The following ST7 variants were observed in gnomAD, a reference collection of about 807,000 sequenced individuals.
ST7 encodes the protein suppression of tumorigenicity 7.
Under a neutral mutation model 78.7 loss-of-function variants are expected in ST7, and 28 were observed. The ratio of observed to expected loss-of-function variants is 0.36; its 90% CI spans 0.26 to 0.49. The LOEUF (loss-of-function observed/expected upper bound fraction) is 0.49. Ranked by LOEUF, ST7 falls within the 20% of genes least tolerant of loss-of-function variation. ST7 has a pLI of 0.99. For missense variants in ST7, 418 were observed against 696.0 expected, an observed-to-expected ratio of 0.60 and a Z score of 4.49; for synonymous variants, 247 against 249.6, an observed-to-expected ratio of 0.99 and a Z score of 0.10.
intron 10 of ST7, among the ~76,000 whole-genome samples, chr7:117,180,743 A>G (rs1452345594): frequency 6.6e-6 from 1 of 152,138 alleles, no homozygotes; most frequent in Non-Finnish European, 1.5e-5. Context: ...TCAACTTCCC[A>G]TGCTCAAGTG....
At chr7:117,066,764 CAAAA>C (rs35246518) in intron 1 of ST7, among the ~76,000 whole-genome samples, 1 of 74,734 alleles carries the variant, frequency 1.3e-5, no homozygotes, top group Non-Finnish European at 2.4e-5. Flanking sequence ...GACTCCGTCT[CAAAA>C]AAAAAAAAAA....
chr7:117,191,377 A>G (rs1325364242), intron 12 of ST7, among the ~76,000 whole-genome samples: 2 of 152,226 alleles, frequency 1.3e-5, no homozygotes, highest in East Asian at 3.8e-4. Context: ...ATTGGCAAGA[A>G]AATAATAGAG....
At chr7:116,990,352 G>T (rs1794371279) in intron 1 of ST7, among the ~76,000 whole-genome samples, 2 of 151,862 alleles carry the variant, frequency 1.3e-5, no homozygotes, top group East Asian at 3.9e-4. Context: ...TTCTATTCTG[G>T]GTAAACTCAT....
chr7:117,073,231 C>T (rs1270343959), intron 1 of ST7: 1 of 151,958 alleles, frequency 6.6e-6, no homozygotes, highest in African/African-American at 2.4e-5. Context: ...CTGTAGGCCT[C>T]TACACAATCT....
chr7:116,992,979 C>T (rs1356838038), intron 1 of ST7, among the ~76,000 whole-genome samples: 1 of 152,186 alleles, frequency 6.6e-6, no homozygotes, highest in Non-Finnish European at 1.5e-5. Context: ...TTCCCAAATT[C>T]CTCATTTCCA....
intron 1 of ST7, among the ~76,000 whole-genome samples, chr7:117,086,491 A>G (rs1800159158): frequency 1.3e-5 from 2 of 152,344 alleles, no homozygotes; most frequent in Admixed American, 6.5e-5. Flanking sequence ...TTACAGATGA[A>G]TAGATTATTC....
At chr7:117,001,900 A>G (rs1794948737) in intron 1 of ST7, among the ~76,000 whole-genome samples, 1 of 152,236 alleles carries the variant, frequency 6.6e-6, no homozygotes. Flanking sequence ...CATGGACAAG[A>G]CATTATGTGT....
At chr7:117,047,700 T>G (rs958952319) in intron 1 of ST7, among the ~76,000 whole-genome samples, 25 of 152,130 alleles carry the variant, frequency 1.6e-4, no homozygotes, top group Non-Finnish European at 2.9e-5. Flanking sequence ...TAATACCAGG[T>G]GTTTGGAGGC....
chr7:117,090,497 T>C (rs1028582384), intron 1 of ST7, among the ~76,000 whole-genome samples: 1 of 152,180 alleles, frequency 6.6e-6, no homozygotes, highest in Non-Finnish European at 1.5e-5. Flanking sequence ...ACACAGTGTG[T>C]GTGCTTGTAG....
intron 2 of ST7, among the ~76,000 whole-genome samples, chr7:117,108,541 T>TC (rs1205730504): frequency 6.6e-6 from 1 of 152,228 alleles, no homozygotes; most frequent in Non-Finnish European, 1.5e-5. Context: ...CCAGATTTGT[T>TC]CTTTTTGCTT....
chr7:117,044,571 G>A (rs1797394599), intron 1 of ST7, among the ~76,000 whole-genome samples: 1 of 152,038 alleles, frequency 6.6e-6, no homozygotes, highest in South Asian at 2.1e-4. Context: ...GGCTGGTCTC[G>A]AACTCTTGAC....
chr7:117,133,993 T>C, intron 6 of ST7, 131 bp from the exon 7 acceptor site: 1 of 1,217,176 alleles, frequency 8.2e-7, no homozygotes, highest in Non-Finnish European at 1.1e-6. Flanking sequence ...GAATCATGCC[T>C]CTTTTCTTTG....
chr7:117,139,949 T>C (rs995231719), intron 9 of ST7, among the ~76,000 whole-genome samples: 1 of 152,210 alleles, frequency 6.6e-6, no homozygotes, highest in Non-Finnish European at 1.5e-5. Flanking sequence ...TATTTCTCTA[T>C]CTTAACCTGG....
chr7:117,028,608 T>C (rs4730767), intron 1 of ST7, among the ~76,000 whole-genome samples: 142,325 of 152,282 alleles, frequency 0.93, 67,290 homozygotes, highest in East Asian at 1. Flanking sequence ...AGGTCTTGTG[T>C]TGGTATAATG....
intron 9 of ST7, among the ~76,000 whole-genome samples, chr7:117,152,184 TATATATATATATA>T (rs1463550145): frequency 5.9e-5 from 4 of 68,198 alleles, no homozygotes; most frequent in African/African-American, 1.9e-4. Flanking sequence ...AAACTATATA[TATATATATATATA>T]TATATATATA....
chr7:117,126,755 G>A (rs760491776), intron 3 of ST7, among the ~76,000 whole-genome samples: 11 of 151,814 alleles, frequency 7.2e-5, no homozygotes, highest in African/African-American at 1.2e-4. Flanking sequence ...ATTAGAGCTT[G>A]CTTTTAGAAG....
chr7:117,115,621 T>C (rs1802818328), intron 2 of ST7, among the ~76,000 whole-genome samples: 1 of 152,168 alleles, frequency 6.6e-6, no homozygotes, highest in African/African-American at 2.4e-5. Context: ...CCCAAAGTGT[T>C]GCGATTACAG....
intron 12 of ST7, among the ~76,000 whole-genome samples, chr7:117,192,954 T>C (rs1250755748): frequency 6.6e-6 from 1 of 152,162 alleles, no homozygotes; most frequent in African/African-American, 2.4e-5. Flanking sequence ...GTAAACTACC[T>C]GGGTAAACTG....
intron 1 of ST7, among the ~76,000 whole-genome samples, chr7:117,051,909 C>T (rs1370001391): frequency 6.6e-6 from 1 of 152,148 alleles, no homozygotes; most frequent in Non-Finnish European, 1.5e-5. Flanking sequence ...GCAACAAAGG[C>T]CAAAGGAAAT....
Sources: gnomAD v4.1 joint callset for allele counts (sites outside exome capture counted in the v4.1 genomes callset) on GRCh38, gnomAD v4.1.1 for gene constraint, MANE v1.5 for transcripts, NCBI Gene and HGNC (gene_info 2026-07-23, HGNC 2026-07-21) for gene names.